Variants in CHRNB3 observed in about 807,000 individuals in gnomAD.
The protein encoded by CHRNB3 is neuronal acetylcholine receptor subunit beta-3.
CHRNB3 carries 37 observed loss-of-function variants against 40.6 expected under a neutral mutation model. That is an observed-to-expected ratio of 0.91 (90% CI 0.70 to 1.20). The LOEUF is 1.20. CHRNB3 is among the 50% of genes most tolerant of loss of function. The probability of loss-of-function intolerance (pLI) is 0.00; values close to 1 mark genes in which losing one functional copy is unlikely to be tolerated. For synonymous variants in CHRNB3, 207 were observed against 207.1 expected (o/e 1.00, Z 0.00); for missense variants, 505 against 551.2 (o/e 0.92, Z 0.84).
At chr8:42,717,811 T>C (rs74942339) in intron 3 of CHRNB3, among the ~76,000 whole-genome samples, 3,518 of 150,776 alleles carry the variant, frequency 0.023, 161 homozygotes, top group African/African-American at 0.082. Flanking sequence ...CCTTTGAGCT[T>C]TCTCATCCTT....
At chr8:42,712,084 C>T (rs1476929985) in intron 3 of CHRNB3, among the ~76,000 whole-genome samples, 1 of 152,122 alleles carries the variant, frequency 6.6e-6, no homozygotes, top group Non-Finnish European at 1.5e-5. Flanking sequence ...CCTCCGCCTC[C>T]CGGGTTCAAG....
At chr8:42,726,655 T>C (rs995118592) in intron 3 of CHRNB3, among the ~76,000 whole-genome samples, 1 of 151,960 alleles carries the variant, frequency 6.6e-6, no homozygotes, top group Non-Finnish European at 1.5e-5. Flanking sequence ...CCCACCATCA[T>C]GCCCGGCTAA....
At chr8:42,713,463 T>C (rs1816052103) in intron 3 of CHRNB3, among the ~76,000 whole-genome samples, 1 of 152,082 alleles carries the variant, frequency 6.6e-6, no homozygotes, top group African/African-American at 2.4e-5. Context: ...TGGAGCACAC[T>C]GACACTTGGA....
In CHRNB3 at chr8:42,731,953, G is replaced by A. The variant is rs1383226244; in HGVS notation, c.646G>A (p.Gly216Ser). Residue 216 changes from glycine (G) to serine (S), a missense_variant, in exon 5 of 6, where the codon GGC becomes AGC. Transcript: ENST00000289957. ...GGGGATGAAGGGGAACAGAAGGGAC[G>A]GCGTGTACTCCTATCCCTTTATCAC... The part of the protein sequence containing the change: ...AKGMKGNRRD[G>S]VYSYPFITYS... 1.2e-6 allele frequency: 2 copies of A among 1,614,080 alleles called. No individual in the cohort carries two copies. The highest frequency in any genetic ancestry group is 1.7e-6 in the Non-Finnish European group (2 of 1,180,014).
chr8:42,735,457 A>AT (rs1816507014), intron 5 of CHRNB3, among the ~76,000 whole-genome samples: 3 of 151,942 alleles, frequency 2.0e-5, no homozygotes, highest in African/African-American at 7.3e-5. Flanking sequence ...AGAACCACTT[A>AT]AACCCAGGAG....
chr8:42,731,899 A>G lies in CHRNB3; in HGVS notation c.592A>G (p.Asn198Asp), dbSNP rs1283147389. 3 of 1,614,088 alleles carry G rather than the reference A, an allele frequency of 1.9e-6. No homozygotes were observed. The highest frequency in any genetic ancestry group is 2.5e-6 in the Non-Finnish European group (3 of 1,180,056). The change falls in exon 5 of 6, where the codon AAC becomes GAC. Residue 198 changes from asparagine (N) to aspartate (D), a missense_variant. By Grantham distance (23) the Asn-to-Asp change is conservative. Coordinates refer to ENST00000289957, the MANE Select transcript of CHRNB3 (RefSeq NM_000749.5). ...TGTCGACAGAAAAGACTTCTTCGAT[A>G]ACGGAGAATGGGAAATACTGAACGC... ...ENVDRKDFFD[N>D]GEWEILNAKG... is the part of the protein sequence containing the mutation.
intron 5 of CHRNB3, among the ~76,000 whole-genome samples, chr8:42,735,222 AAAAC>A (rs555809566): frequency 5.4e-4 from 81 of 150,172 alleles, no homozygotes; most frequent in Admixed American, 3.5e-3. Flanking sequence ...TCCGTCTCAA[AAAAC>A]AAACAAACAA....
At chr8:42,727,411 A>G (rs1563614693) in intron 3 of CHRNB3, among the ~76,000 whole-genome samples, 1 of 151,720 alleles carries the variant, frequency 6.6e-6, no homozygotes, top group East Asian at 1.9e-4. Flanking sequence ...AGAAAGACAG[A>G]TACACAGATC....
rs181099043 is a variant in CHRNB3 at position 42,724,749 on chromosome 8, C to T, written c.250-5845C>T. Reference sequence around the variant, plus strand: ...ATCCCAGTACTTTGGGAGGCCGAGGCGGGCGGATCACCTGAGGTCAGGAGG... The same window carrying T: ...ATCCCAGTACTTTGGGAGGCCGAGGTGGGCGGATCACCTGAGGTCAGGAGG... On this transcript the variant is annotated intron_variant, in intron 3 of 5. Transcript: ENST00000289957. Among the ~76,000 whole-genome samples, 1,297 of 152,162 alleles carry T rather than the reference C, an allele frequency of 8.5e-3. 15 individuals are homozygous for T. Among genetic ancestry groups the T allele is most frequent in the Non-Finnish European group, 0.013 (853 of 68,014 alleles).
intron 3 of CHRNB3, among the ~76,000 whole-genome samples, chr8:42,728,450 G>T (rs542373222): frequency 5.9e-5 from 9 of 152,118 alleles, no homozygotes; most frequent in African/African-American, 2.2e-4. Context: ...GATCACTTGA[G>T]CCCAGGAGGT....
chr8:42,697,765 G>GT (rs1050333641), intron 1 of CHRNB3, among the ~76,000 whole-genome samples, 167 bp downstream of exon 1: 5 of 151,684 alleles, frequency 3.3e-5, no homozygotes, highest in African/African-American at 9.7e-5. Flanking sequence ...GAGATGTGGG[G>GT]TTTTTTTTGC....
chr8:42,708,494 C>CACACACACACAA (rs1374067647), intron 1 of CHRNB3, among the ~76,000 whole-genome samples: 1 of 151,854 alleles, frequency 6.6e-6, no homozygotes, highest in Non-Finnish European at 1.5e-5. Flanking sequence ...CACACACACA[C>CACACACACACAA]ACAAACAAAA....
chr8:42,722,658 C>T (rs944966865), intron 3 of CHRNB3, among the ~76,000 whole-genome samples: 6 of 152,186 alleles, frequency 3.9e-5, no homozygotes, highest in Non-Finnish European at 8.8e-5. Context: ...AACACCCAGG[C>T]TCAAGTGATC....
In CHRNB3 at chr8:42,703,435, A is replaced by AAAAAAAAATATATATAT; in HGVS notation, c.53-5281_53-5280insAAAAAAATATATATATA. 9.9e-4 allele frequency among the ~76,000 whole-genome samples: 47 copies of AAAAAAAAATATATATAT among 47,392 alleles called. 8 individuals are homozygous for AAAAAAAAATATATATAT. The highest frequency in any genetic ancestry group is 3.4e-3 in the East Asian group (3 of 876). The allele number at this position is 47,392 out of a possible 152,430, so 31.1% of individuals were successfully genotyped here. A position where few individuals can be genotyped will look rare whatever the true frequency, so the allele number is the denominator to read the frequency against. On this transcript the variant is annotated intron_variant, in intron 1 of 5. Transcript: ENST00000289957. The stretch of plus-strand genomic sequence containing the variant: ...CAAGACTTCGTCTAAAAAAAAAAAA[A>AAAAAAAAATATATATAT]ATATTTATATATATATATATATATA...
At chr8:42,703,809 G>A (rs1815871252) in intron 1 of CHRNB3, among the ~76,000 whole-genome samples, 1 of 152,060 alleles carries the variant, frequency 6.6e-6, no homozygotes, top group Non-Finnish European at 1.5e-5. Context: ...GGTCTCAAAG[G>A]ATCAACTGTG....
chr8:42,716,475 G>A (rs1184129045), intron 3 of CHRNB3, among the ~76,000 whole-genome samples: 4 of 152,138 alleles, frequency 2.6e-5, no homozygotes, highest in Admixed American at 6.5e-5. Context: ...AAGAACTCAA[G>A]GACAGCGGCA....
At chr8:42,733,592 CTTTTTTTTTT>C (rs1208342996) in intron 5 of CHRNB3, among the ~76,000 whole-genome samples, 3 of 101,048 alleles carry the variant, frequency 3.0e-5, no homozygotes, top group East Asian at 3.0e-4. Context: ...CATCCTTCTT[CTTTTTTTTTT>C]TTTTTTTTTT....
At chr8:42,724,231 C>G (rs1423007299) in intron 3 of CHRNB3, among the ~76,000 whole-genome samples, 1 of 152,028 alleles carries the variant, frequency 6.6e-6, no homozygotes, top group Non-Finnish European at 1.5e-5. Flanking sequence ...CCCAAACAAA[C>G]CTCAGGAAAC....
In CHRNB3 at chr8:42,736,843, G is replaced by C. The variant is rs1816533882; in HGVS notation, c.*225G>C. The C allele has an allele frequency of 3.5e-6, 2 of 573,786 alleles. No homozygotes were observed. The highest frequency in any genetic ancestry group is 3.8e-5 in the African/African-American group (2 of 53,246). The allele number at this position is 573,786 out of a possible 1,614,324, so 35.5% of individuals were successfully genotyped here. ...TGGAGCCTCCTCAGACCCCTGCCTT[G>C]GCTTTCCCAGACATTCAGGGAGGGA... On this transcript the variant is annotated 3_prime_UTR_variant, in exon 6 of 6. Coordinates refer to ENST00000289957, the MANE Select transcript of CHRNB3 (RefSeq NM_000749.5).
Sources: allele counts gnomAD v4.1 joint callset (sites outside exome capture counted in the v4.1 genomes callset), GRCh38; gene constraint gnomAD v4.1.1; transcripts MANE v1.5; gene names NCBI Gene and HGNC (gene_info 2026-07-23, HGNC 2026-07-21).